The following RBMS3 variants were observed in gnomAD, a reference collection of about 807,000 sequenced individuals.
RBMS3 encodes RNA-binding motif, single-stranded-interacting protein 3.
RBMS3 carries 27 observed loss-of-function variants against 66.8 expected under a neutral mutation model. That is an observed-to-expected ratio of 0.40 (90% CI 0.30 to 0.56). The LOEUF (loss-of-function observed/expected upper bound fraction) is 0.56, where lower values mean the gene tolerates loss of function less well. RBMS3 is among the 20% of genes least tolerant of loss of function. The pLI is 0.40. For missense variants in RBMS3, 513 were observed against 549.5 expected (o/e 0.93, Z 0.66); for synonymous variants, 188 against 183.0 (o/e 1.03, Z -0.22).
At chr3:29,706,457 T>A (rs1167263694) in intron 4 of RBMS3, among the ~76,000 whole-genome samples, 1 of 152,200 alleles carries the variant, frequency 6.6e-6, no homozygotes, top group Non-Finnish European at 1.5e-5. Flanking sequence ...TCTGCTGCAT[T>A]GTTTATTTCA....
chr3:29,703,279 G>A (rs1311966481), intron 4 of RBMS3, among the ~76,000 whole-genome samples: 2 of 152,164 alleles, frequency 1.3e-5, no homozygotes, highest in African/African-American at 4.8e-5. Context: ...CTATGATGAA[G>A]ACAGTAGGTA....
chr3:29,645,799 G>T (rs1321131333), intron 4 of RBMS3, among the ~76,000 whole-genome samples: 2 of 152,168 alleles, frequency 1.3e-5, no homozygotes, highest in Non-Finnish European at 2.9e-5. Context: ...TCCCATATTG[G>T]CATTGTGTAA....
intron 1 of RBMS3, among the ~76,000 whole-genome samples, chr3:29,353,892 G>A (rs1353530638): frequency 6.6e-6 from 1 of 152,066 alleles, no homozygotes; most frequent in Non-Finnish European, 1.5e-5. Flanking sequence ...ATAGATGTGA[G>A]CCAAAAGTTC....
chr3:29,967,873 T>A (rs1696953375), intron 12 of RBMS3, among the ~76,000 whole-genome samples: 1 of 152,196 alleles, frequency 6.6e-6, no homozygotes, highest in South Asian at 2.1e-4. Flanking sequence ...TGGTTAATCT[T>A]ACTAATGTCC....
chr3:29,643,214 A>G (rs1385399916), intron 4 of RBMS3, among the ~76,000 whole-genome samples: 1 of 152,134 alleles, frequency 6.6e-6, no homozygotes, highest in African/African-American at 2.4e-5. Flanking sequence ...AGCCACAGTC[A>G]GGGAAGAGCG....
chr3:29,494,144 A>T (rs1318805168), intron 3 of RBMS3, among the ~76,000 whole-genome samples: 1 of 152,230 alleles, frequency 6.6e-6, no homozygotes, highest in Non-Finnish European at 1.5e-5. Context: ...CCAAGGTATG[A>T]GAAAGTCCAT....
chr3:29,461,156 T>G (rs1265446867), intron 2 of RBMS3, among the ~76,000 whole-genome samples: 1 of 152,244 alleles, frequency 6.6e-6, no homozygotes, highest in East Asian at 1.9e-4. Flanking sequence ...TCTCCTCTTC[T>G]TCCTTTCTTG....
In RBMS3 at chr3:29,461,920, A is replaced by AT. The variant is rs61115023; in HGVS notation, c.249-26492dup. On this transcript the variant is annotated intron_variant, in intron 2 of 14. Coordinates refer to ENST00000383767, the MANE Select transcript of RBMS3 (RefSeq NM_001003793.3). Reference sequence around the variant, plus strand: ...AGGCACCCGCCACCATGCCCGGCTAATTTTTTTTTTTTTTTTTTTTTTTTT... The same window carrying AT: ...AGGCACCCGCCACCATGCCCGGCTAATTTTTTTTTTTTTTTTTTTTTTTTTT... Among the ~76,000 whole-genome samples the AT allele has an allele frequency of 2.6e-3, 247 of 93,298 alleles. 12 individuals are homozygous for AT. The highest frequency in any genetic ancestry group is 3.9e-3 in the Admixed American group (28 of 7,124). 61.2% of individuals were successfully genotyped at this position (93,298 alleles called of 152,430 possible).
At chr3:29,868,225 A>C (rs1463374952) in intron 6 of RBMS3, among the ~76,000 whole-genome samples, 2 of 151,642 alleles carry the variant, frequency 1.3e-5, no homozygotes, top group Non-Finnish European at 2.9e-5. Context: ...GGGACTCACA[A>C]GTTATAGCCA....
intron 2 of RBMS3, among the ~76,000 whole-genome samples, chr3:29,483,313 AAAAAAAAAAAAAG>A (rs1054289427): frequency 6.6e-6 from 1 of 151,042 alleles, no homozygotes; most frequent in Non-Finnish European, 1.5e-5. Context: ...TCTTAACAAA[AAAAAAAAAAAAAG>A]AAAAAAGAAA....
intron 4 of RBMS3, among the ~76,000 whole-genome samples, chr3:29,607,800 CA>C (rs1157637163): frequency 2.3e-4 from 35 of 151,822 alleles, no homozygotes; most frequent in Non-Finnish European, 4.9e-4. Context: ...AAAATCTAAC[CA>C]ATTAATTAAT....
chr3:29,893,853 C>T (rs2060060719), intron 8 of RBMS3, among the ~76,000 whole-genome samples: 1 of 151,434 alleles, frequency 6.6e-6, no homozygotes, highest in African/African-American at 2.4e-5. Flanking sequence ...TCCTGCCACC[C>T]TGGTATTGAT....
At chr3:29,861,251 T>C (rs2059209664) in intron 6 of RBMS3, among the ~76,000 whole-genome samples, 1 of 152,220 alleles carries the variant, frequency 6.6e-6, no homozygotes, top group African/African-American at 2.4e-5. Flanking sequence ...ACTCTTATAC[T>C]AAGATTTTAT....
intron 6 of RBMS3, among the ~76,000 whole-genome samples, chr3:29,842,286 A>G (rs142671106): frequency 5.9e-5 from 9 of 152,280 alleles, no homozygotes; most frequent in African/African-American, 2.2e-4. Flanking sequence ...AAGCAAAGAA[A>G]GCTACTCCTG....
At chr3:29,800,421 A>G (rs2057352546) in intron 6 of RBMS3, among the ~76,000 whole-genome samples, 2 of 152,206 alleles carry the variant, frequency 1.3e-5, no homozygotes. Context: ...AAAAGTATTC[A>G]TATGTCTTAC....
intron 1 of RBMS3, among the ~76,000 whole-genome samples, chr3:29,404,333 C>A (rs959811607): frequency 3.9e-5 from 6 of 152,032 alleles, no homozygotes; most frequent in African/African-American, 1.4e-4. Context: ...TTCTTTTCCC[C>A]ATTTATAAAA....
chr3:30,000,896 G>A (rs1391779233), intron 14 of RBMS3, among the ~76,000 whole-genome samples: 1 of 151,948 alleles, frequency 6.6e-6, no homozygotes, highest in Non-Finnish European at 1.5e-5. Flanking sequence ...AGGGAGTGGG[G>A]GACTAAGGAA....
At chr3:29,650,424 G>C (rs1400334186) in intron 4 of RBMS3, among the ~76,000 whole-genome samples, 2 of 151,532 alleles carry the variant, frequency 1.3e-5, no homozygotes, top group East Asian at 1.9e-4. Flanking sequence ...CCAAGTTACT[G>C]TGACTACATG....
chr3:29,707,431 A>G (rs1486489832), intron 4 of RBMS3, among the ~76,000 whole-genome samples: 1 of 152,222 alleles, frequency 6.6e-6, no homozygotes, highest in African/African-American at 2.4e-5. Context: ...ATTAAGAGCA[A>G]TATTTTCCAG....
Sources: allele counts gnomAD v4.1 joint callset (sites outside exome capture counted in the v4.1 genomes callset), GRCh38; gene constraint gnomAD v4.1.1; transcripts MANE v1.5; gene names NCBI Gene and HGNC (gene_info 2026-07-23, HGNC 2026-07-21).